Variants in ING4 observed in about 807,000 individuals in gnomAD.
ING4 encodes the protein inhibitor of growth family member 4, also known as inhibitor of growth protein 4.
A neutral mutation model predicts 33.1 loss-of-function variants in ING4; 28 were observed. That is an observed-to-expected ratio of 0.85 (90% CI 0.63 to 1.16). The LOEUF is 1.16. Ranked by LOEUF, ING4 falls within the 50% of genes most tolerant of loss-of-function variation. The pLI is 0.00. For missense variants in ING4, 247 were observed against 314.7 expected, an observed-to-expected ratio of 0.78 and a Z score of 1.63; for synonymous variants, 87 against 104.4, an observed-to-expected ratio of 0.83 and a Z score of 1.02.
chr12:6,658,422 A>C (rs1389663394), intron 1 of ING4, among the ~76,000 whole-genome samples: 1 of 151,582 alleles, frequency 6.6e-6, no homozygotes, highest in Non-Finnish European at 1.5e-5. Flanking sequence ...ACGGTGGCTC[A>C]TGCCTGTAAT....
At chr12:6,652,190 T>A in intron 6 of ING4, 81 bp downstream of exon 6, 3 of 1,494,882 alleles carry the variant, frequency 2.0e-6, no homozygotes, top group Non-Finnish European at 9.1e-7. Flanking sequence ...GTCCCAGTAC[T>A]CAACTGTGGG....
chr12:6,652,838 C>A (rs932035556), intron 4 of ING4, 71 bp from the exon 5 acceptor site: 13 of 1,567,926 alleles, frequency 8.3e-6, no homozygotes, highest in Admixed American at 1.7e-5. Flanking sequence ...TTCTCTCCCC[C>A]TTTCCAACCT....
At chr12:6,659,916 T>C (rs1396002203) in intron 1 of ING4, among the ~76,000 whole-genome samples, 1 of 151,376 alleles carries the variant, frequency 6.6e-6, no homozygotes, top group East Asian at 1.9e-4. Context: ...GAGGTAGAGG[T>C]TGCAGCCCGG....
intron 2 of ING4, among the ~76,000 whole-genome samples, chr12:6,653,983 C>T (rs1302382666): frequency 6.6e-6 from 1 of 152,142 alleles, no homozygotes; most frequent in East Asian, 1.9e-4. Flanking sequence ...CCATCTCAGG[C>T]ACCACCACGC....
intron 2 of ING4, chr12:6,655,683 G>T: frequency 2.2e-6 from 2 of 907,912 alleles, no homozygotes; most frequent in Non-Finnish European, 2.9e-6. Context: ...GGTTTTTGAT[G>T]ATGTTCACCT....
chr12:6,661,847 A>G (rs1044709885), intron 1 of ING4, among the ~76,000 whole-genome samples: 1 of 152,138 alleles, frequency 6.6e-6, no homozygotes, highest in African/African-American at 2.4e-5. Flanking sequence ...ACTCCCTAAA[A>G]TCAGGTTCTT....
chr12:6,661,588 AT>A (rs77742335), intron 1 of ING4, among the ~76,000 whole-genome samples: 562 of 140,348 alleles, frequency 4.0e-3, no homozygotes, highest in Middle Eastern at 3.7e-3. Flanking sequence ...TGCCCAGCTA[AT>A]TTTTTTTTTT....
intron 2 of ING4, 35 bp from the exon 3 acceptor site, chr12:6,653,431 CCT>C (rs753946853): frequency 6.9e-6 from 11 of 1,594,078 alleles, no homozygotes; most frequent in African/African-American, 5.4e-5. Context: ...CACAATGGCC[CCT>C]GAGTGGCTAG....
chr12:6,659,685 C>T (rs35787939), intron 1 of ING4, among the ~76,000 whole-genome samples: 2,356 of 149,562 alleles, frequency 0.016, 50 homozygotes, highest in African/African-American at 0.053. Flanking sequence ...TGGTGGCGGG[C>T]GCCTGTAGTC....
In ING4 at chr12:6,651,380, G is replaced by A. The variant is rs371902029; in HGVS notation, c.651C>T (p.Ser217=). Residue 217 remains serine, a synonymous_variant, in exon 7 of 8, where the codon TCC becomes TCT. Coordinates refer to ENST00000341550, the MANE Select transcript of ING4 (RefSeq NM_016162.4). ...CACAGGCAAAATGGAACCACTCAAT[G>A]GAACACTGGAAGAGGAAGAAAGAAG... ...EMIGCDNPDC[S]IEWFHFACVG... 24 of 1,613,832 alleles carry A rather than the reference G, an allele frequency of 1.5e-5. No homozygotes were observed. Among genetic ancestry groups the A allele is most frequent in the Non-Finnish European group, 1.9e-5 (22 of 1,179,898 alleles).
At chr12:6,656,274 C>G (rs1424379606) in intron 2 of ING4, among the ~76,000 whole-genome samples, 1 of 151,582 alleles carries the variant, frequency 6.6e-6, no homozygotes. Context: ...CTCCCAGGTT[C>G]AAACGATTCT....
chr12:6,652,717 T>G lies in ING4; in HGVS notation c.442A>C (p.Asn148His). The change falls in exon 5 of 8, where the codon AAC becomes CAC. Residue 148 changes from asparagine (N) to histidine (H), a missense_variant. Transcript: ENST00000341550. Reference protein sequence around the residue: ...KAARARSKGKNSDEEAPKTAQ... With the variant: ...KAARARSKGKHSDEEAPKTAQ... ...GTCTTGGGGGCTTCTTCATCCGAGT[T>G]TTTCCCTTTGGAACGAGCACGAGCA... The G allele has an allele frequency of 6.2e-7, 1 of 1,614,014 alleles. No individual in the cohort carries two copies. The highest frequency in any genetic ancestry group is 8.5e-7 in the Non-Finnish European group (1 of 1,179,994).
At chr12:6,654,691 T>C (rs906617393) in intron 2 of ING4, among the ~76,000 whole-genome samples, 7 of 152,018 alleles carry the variant, frequency 4.6e-5, no homozygotes, top group African/African-American at 1.4e-4. Context: ...ATTACTTCTT[T>C]TTTTCCTGTT....
At chr12:6,653,823 T>C (rs1331952938) in intron 2 of ING4, among the ~76,000 whole-genome samples, 1 of 152,172 alleles carries the variant, frequency 6.6e-6, no homozygotes, top group Non-Finnish European at 1.5e-5. Flanking sequence ...CTGTTGCTGG[T>C]TTCCAAGTCT....
At chr12:6,662,324 TCA>T (rs1318323794) in intron 1 of ING4, among the ~76,000 whole-genome samples, 1 of 152,278 alleles carries the variant, frequency 6.6e-6, no homozygotes. Flanking sequence ...ATCTCACTTG[TCA>T]CAGTGTTTTA....
rs771814489 is a variant in ING4, at chr12:6,653,221, G to C, written c.276+9C>G. 3 of 1,613,790 alleles carry C rather than the reference G, an allele frequency of 1.9e-6. No individual in the cohort carries two copies. The highest frequency in any genetic ancestry group is 1.3e-5 in the African/African-American group (1 of 74,936). On this transcript the variant is annotated intron_variant, in intron 3 of 7. Transcript: ENST00000341550. Reference sequence around the variant, plus strand: ...GGAAGTAGGTGGGGAGCCATGAACAGGGCCATACCATCTCATAGGTCTGCA... The same window carrying C: ...GGAAGTAGGTGGGGAGCCATGAACACGGCCATACCATCTCATAGGTCTGCA...
chr12:6,651,195 C>G lies in ING4; in HGVS notation c.747G>C (p.Ter249TyrextTer18). ...PRCSQERKKK[*>Y] ...CTGTGTTGGAATCCAAGGCCCTTAT[C>G]TATTTCTTCTTCCGTTCTTGGGAGC... The change falls in exon 8 of 8, where the codon TAG (stop) becomes TAC (tyrosine). Residue 249 changes from the stop codon to tyrosine (Y), a stop_lost. Transcript: ENST00000341550. The G allele has an allele frequency of 6.2e-7, 1 of 1,614,190 alleles. No individual in the cohort carries two copies. Among genetic ancestry groups the G allele is most frequent in the Non-Finnish European group, 8.5e-7 (1 of 1,180,010 alleles).
At chr12:6,652,520 G>A in intron 5 of ING4, 102 bp from the exon 6 acceptor site, 1 of 1,416,564 alleles carries the variant, frequency 7.1e-7, no homozygotes, top group African/African-American at 1.4e-5. Context: ...AATGATTTGT[G>A]GCTTCTCCAG....
chr12:6,655,863 A>G (rs1461593664), intron 2 of ING4: 14 of 456,288 alleles, frequency 3.1e-5, no homozygotes, highest in East Asian at 6.9e-5. Context: ...GAATGCCCCA[A>G]TGCAGCCAAA....
Sources: allele counts gnomAD v4.1 joint callset (sites outside exome capture counted in the v4.1 genomes callset), GRCh38; gene constraint gnomAD v4.1.1; transcripts MANE v1.5; gene names NCBI Gene and HGNC (gene_info 2026-07-23, HGNC 2026-07-21).